FSTL4: variants seen among roughly 807,000 people sequenced by gnomAD.
The protein encoded by FSTL4 is follistatin like 4.
A neutral mutation model predicts 78.2 loss-of-function variants in FSTL4; 28 were observed. That is an observed-to-expected ratio of 0.36 (90% CI 0.27 to 0.49). The LOEUF is 0.49. Ranked by LOEUF, FSTL4 falls within the 20% of genes least tolerant of loss-of-function variation. The pLI is 0.98. For missense variants in FSTL4, 922 were observed against 1,084.9 expected (o/e 0.85, Z 2.11); for synonymous variants, 422 against 440.5 (o/e 0.96, Z 0.53).
the FSTL4 span, among the ~76,000 whole-genome samples, chr5:133,641,581 T>C: frequency 2.4e-4 from 36 of 152,310 alleles, 2 homozygotes; most frequent in Middle Eastern, 3.4e-3. Context: ...TGTATGAATA[T>C]ATTTGCATGT....
intron 3 of FSTL4, among the ~76,000 whole-genome samples, chr5:133,439,135 T>C (rs1028787720): frequency 1.3e-5 from 2 of 152,180 alleles, no homozygotes; most frequent in African/African-American, 4.8e-5. Context: ...AGGGATTTTC[T>C]CCCAGCCCTT....
chr5:133,701,898 A>T, the FSTL4 span, among the ~76,000 whole-genome samples: 1 of 152,106 alleles, frequency 6.6e-6, no homozygotes, highest in Middle Eastern at 3.2e-3. Context: ...GGTTCAACTG[A>T]TGCTGTGAGC....
At chr5:133,701,426 G>T in the FSTL4 span, among the ~76,000 whole-genome samples, 1 of 137,022 alleles carries the variant, frequency 7.3e-6, no homozygotes, top group Admixed American at 7.3e-5. Flanking sequence ...AAGAAAGAAA[G>T]AAAAGAAAAA....
the FSTL4 span, among the ~76,000 whole-genome samples, chr5:133,690,068 C>CACAAACAAACAA: frequency 1.2e-3 from 186 of 149,806 alleles, 1 homozygote; most frequent in African/African-American, 4.3e-3. Context: ...TTTCAAAACA[C>CACAAACAAACAA]ACAAACAAAC....
the FSTL4 span, among the ~76,000 whole-genome samples, chr5:133,619,318 G>T: frequency 3.9e-5 from 6 of 152,150 alleles, no homozygotes; most frequent in South Asian, 1.2e-3. Flanking sequence ...TCCTTAATGA[G>T]CTGCGCAAAT....
intron 6 of FSTL4, among the ~76,000 whole-genome samples, chr5:133,308,647 T>G (rs1397091612): frequency 6.6e-6 from 1 of 152,244 alleles, no homozygotes; most frequent in East Asian, 1.9e-4. Context: ...CCCTTCACTT[T>G]GCAACAGAGA....
intron 6 of FSTL4, among the ~76,000 whole-genome samples, chr5:133,301,460 G>A (rs1753537609): frequency 6.6e-6 from 1 of 152,132 alleles, no homozygotes; most frequent in Non-Finnish European, 1.5e-5. Flanking sequence ...CTCGCTAGTG[G>A]AGGCTCTGTC....
chr5:133,379,250 A>C lies in FSTL4; in HGVS notation c.409+21488T>G, dbSNP rs1580662472. 4.6e-5 allele frequency among the ~76,000 whole-genome samples: 7 copies of C among 152,274 alleles called. 1 individual carries two copies. Among genetic ancestry groups the C allele is most frequent in the Admixed American group, 4.6e-4 (7 of 15,286 alleles). The stretch of plus-strand genomic sequence containing the variant: ...ATATACACATCTAACAAGAAACCCC[A>C]AAATACACGAAGCAAAAGCGACAGA... On this transcript the variant is annotated intron_variant, in intron 4 of 15. Transcript: ENST00000265342.
intron 4 of FSTL4, among the ~76,000 whole-genome samples, chr5:133,322,944 C>T (rs1194184295): frequency 6.6e-6 from 1 of 152,132 alleles, no homozygotes; most frequent in Non-Finnish European, 1.5e-5. Flanking sequence ...TCTGAGCAGG[C>T]AGGAGTTGAA....
chr5:133,417,243 A>G (rs1756595255), intron 3 of FSTL4, among the ~76,000 whole-genome samples: 2 of 152,196 alleles, frequency 1.3e-5, no homozygotes, highest in Middle Eastern at 3.2e-3. Context: ...ATGGGCTTCG[A>G]TAAGATTAAG....
the FSTL4 span, among the ~76,000 whole-genome samples, chr5:133,665,622 T>G: frequency 1.3e-5 from 2 of 152,152 alleles, no homozygotes; most frequent in Admixed American, 6.5e-5. Context: ...GTGTGTATGC[T>G]GGACTGAGAA....
At chr5:133,556,836 A>C (rs973624565) in intron 3 of FSTL4, among the ~76,000 whole-genome samples, 1 of 152,170 alleles carries the variant, frequency 6.6e-6, no homozygotes, top group Non-Finnish European at 1.5e-5. Context: ...TGGAAAATAA[A>C]AGCTTCTGAC....
At chr5:133,753,621 T>C in the FSTL4 span, among the ~76,000 whole-genome samples, 1 of 152,066 alleles carries the variant, frequency 6.6e-6, no homozygotes, top group South Asian at 2.1e-4. Flanking sequence ...ACTCAATAAC[T>C]ATTTGACCCT....
At chr5:133,802,951 T>C in the FSTL4 span, among the ~76,000 whole-genome samples, 1 of 152,300 alleles carries the variant, frequency 6.6e-6, no homozygotes, top group African/African-American at 2.4e-5. Context: ...AGGCTTGCTT[T>C]CCACTGACTG....
intron 6 of FSTL4, among the ~76,000 whole-genome samples, chr5:133,289,518 C>T (rs1753209213): frequency 6.6e-6 from 1 of 152,214 alleles, no homozygotes; most frequent in African/African-American, 2.4e-5. Context: ...AGAGTGGGGC[C>T]TTGGCTGCCA....
intron 4 of FSTL4, among the ~76,000 whole-genome samples, chr5:133,329,766 T>C (rs982926607): frequency 6.6e-6 from 1 of 152,198 alleles, no homozygotes; most frequent in Non-Finnish European, 1.5e-5. Flanking sequence ...GGCTTAATAC[T>C]TTGTATCCCT....
At chr5:133,246,481 C>T (rs1197663036) in intron 7 of FSTL4, 1 of 152,268 alleles carries the variant, frequency 6.6e-6, no homozygotes, top group Non-Finnish European at 1.5e-5. Flanking sequence ...CCTTGGTACA[C>T]TTCAGCCTGA....
chr5:133,687,736 G>T, the FSTL4 span, among the ~76,000 whole-genome samples: 22,213 of 152,216 alleles, frequency 0.15, 5,342 homozygotes, highest in African/African-American at 0.5. Context: ...TCTAGATGTG[G>T]CTGCTATGAA....
At chr5:133,792,951 G>A in the FSTL4 span, among the ~76,000 whole-genome samples, 30 of 152,206 alleles carry the variant, frequency 2.0e-4, no homozygotes, top group Admixed American at 1.7e-3. Flanking sequence ...GGAAAAGGGC[G>A]TTCAGAATCT....
Sources: allele counts gnomAD v4.1 joint callset (sites outside exome capture counted in the v4.1 genomes callset), GRCh38; gene constraint gnomAD v4.1.1; transcripts MANE v1.5; gene names NCBI Gene and HGNC (gene_info 2026-07-23, HGNC 2026-07-21).